The following UBE4B variants were observed in gnomAD, a reference collection of about 807,000 sequenced individuals.
The protein encoded by UBE4B is ubiquitin conjugation factor E4 B.
UBE4B carries 27 observed loss-of-function variants against 148.1 expected under a neutral mutation model. The observed-to-expected ratio is 0.18, with a 90% confidence interval of 0.13 to 0.25. UBE4B has a LOEUF of 0.25. Among genes scored for constraint, UBE4B ranks in the 10% least tolerant of loss-of-function variants. UBE4B has a pLI of 1.00. For missense variants in UBE4B, 1,170 were observed against 1,662.4 expected, an observed-to-expected ratio of 0.70 and a Z score of 5.15; for synonymous variants, 596 against 619.3, an observed-to-expected ratio of 0.96 and a Z score of 0.56.
At chr1:10,089,948 G>C (rs754531698) in intron 2 of UBE4B, among the ~76,000 whole-genome samples, 5 of 151,974 alleles carry the variant, frequency 3.3e-5, no homozygotes, top group Non-Finnish European at 5.9e-5. Context: ...GCCCACCTCG[G>C]CCTCCCAAAG....
chr1:10,113,261 A>G (rs1320866746), intron 7 of UBE4B, among the ~76,000 whole-genome samples: 5 of 152,188 alleles, frequency 3.3e-5, no homozygotes, highest in African/African-American at 1.2e-4. Context: ...ACGTGAACTC[A>G]CTGAGTGAGA....
Position 10,091,898 on chromosome 1 carries a change from G to C in UBE4B, c.212-3563G>C, listed in dbSNP as rs746085642. On this transcript the variant is annotated intron_variant, in intron 2 of 27. Coordinates refer to ENST00000343090, the MANE Select transcript of UBE4B (RefSeq NM_001105562.3). ...TGAGATTACAGGTGTGAGCCACTGC[G>C]CCCGGACTACCTGACTAATTTTTTA... 2.6e-5 allele frequency among the ~76,000 whole-genome samples: 4 copies of C among 152,030 alleles called. No homozygotes were observed. In the East Asian group the frequency reaches 7.7e-4, roughly 29 times the overall value.
chr1:10,093,007 T>TA (rs1396347957), intron 2 of UBE4B, among the ~76,000 whole-genome samples: 1 of 152,204 alleles, frequency 6.6e-6, no homozygotes, highest in Admixed American at 6.5e-5. Context: ...TGATGCCTTA[T>TA]AAAAATATTA....
At chr1:10,171,938 C>T (rs569587274) in intron 25 of UBE4B, among the ~76,000 whole-genome samples, 7 of 152,190 alleles carry the variant, frequency 4.6e-5, no homozygotes, top group Admixed American at 1.3e-4. Context: ...GCAGGTTTGG[C>T]GCTCTGAGCC....
chr1:10,106,243 G>A lies in UBE4B; in HGVS notation c.856G>A (p.Val286Ile). 1 of 1,613,554 alleles carries A rather than the reference G, an allele frequency of 6.2e-7. No individual in the cohort carries two copies. The highest frequency in any genetic ancestry group is 8.5e-7 in the Non-Finnish European group (1 of 1,179,620). Residue 286 changes from valine (V) to isoleucine (I), a missense_variant, in exon 7 of 28, where the codon GTT becomes ATT. By Grantham distance (29) the Val-to-Ile change is conservative. Transcript: ENST00000343090. This position sits in a 1 kb window ranked among gnomAD's most constrained non-coding sequence, Gnocchi z 4.2. ...PAPTPSFWSS[V>I]PVMGPSLASP... Reference sequence around the variant, plus strand: ...TCCCACTCCCAGTTTCTGGAGCTCTGTTCCCGTGATGGGCCCGTCTCTTGC... The same window carrying A: ...TCCCACTCCCAGTTTCTGGAGCTCTATTCCCGTGATGGGCCCGTCTCTTGC...
At chr1:10,040,599 C>T (rs1643719309) in intron 1 of UBE4B, among the ~76,000 whole-genome samples, 1 of 151,436 alleles carries the variant, frequency 6.6e-6, no homozygotes, top group South Asian at 2.1e-4. Flanking sequence ...GCTCTAACAT[C>T]TCCATTTCTT....
At chr1:10,144,897 T>A (rs767974451) in intron 17 of UBE4B, 43 bp from the exon 18 acceptor site, 1 of 1,464,928 alleles carries the variant, frequency 6.8e-7, no homozygotes. Flanking sequence ...GTAAGATGGA[T>A]CCGGCTGTTT....
At chr1:10,175,380 A>T (rs74605718) in intron 25 of UBE4B, among the ~76,000 whole-genome samples, 1 of 152,128 alleles carries the variant, frequency 6.6e-6, no homozygotes, top group Non-Finnish European at 1.5e-5. Context: ...AGCCGGGTGC[A>T]GTGGCTCACG....
At chr1:10,174,352 C>T (rs528558580) in intron 25 of UBE4B, among the ~76,000 whole-genome samples, 22 of 148,490 alleles carry the variant, frequency 1.5e-4, no homozygotes, top group Admixed American at 3.4e-4. Context: ...GAGATCGCAC[C>T]GCTGCATTCC....
chr1:10,135,028 A>C lies in UBE4B; in HGVS notation c.2066A>C (p.Asn689Thr). 1 of 1,614,210 alleles carries C rather than the reference A, an allele frequency of 6.2e-7. No individual in the cohort carries two copies. ...GTGTCTACAGATGGATTTATGCTGA[A>C]TTTCCTTTGGGTACTGCAGCAGCTA... ...RLVSTDGFMLNFLWVLQQLST... is the reference protein window; with the variant it reads ...RLVSTDGFMLTFLWVLQQLST... The change falls in exon 16 of 28, where the codon AAT becomes ACT. Residue 689 changes from asparagine (N) to threonine (T), a missense_variant. This residue lies in a region of UBE4B where 388 missense variants were observed against 536.0 expected (regional missense o/e 0.72). Coordinates refer to ENST00000343090, the MANE Select transcript of UBE4B (RefSeq NM_001105562.3).
At chr1:10,154,620 C>T (rs1646037055) in intron 21 of UBE4B, among the ~76,000 whole-genome samples, 1 of 152,098 alleles carries the variant, frequency 6.6e-6, no homozygotes, top group Admixed American at 6.6e-5. Context: ...GGAGGATCAC[C>T]TGAGGTCAGG....
intron 17 of UBE4B, among the ~76,000 whole-genome samples, chr1:10,143,560 C>G (rs1645817860): frequency 6.6e-6 from 1 of 152,198 alleles, no homozygotes; most frequent in Non-Finnish European, 1.5e-5. Context: ...CTCTTCCCAT[C>G]TCAAATCCAT....
rs150442851 is a variant in UBE4B, at chr1:10,105,713, G to T, written c.778G>T (p.Val260Leu). 1.2e-6 allele frequency: 2 copies of T among 1,613,922 alleles called. No homozygotes were observed. Among genetic ancestry groups the T allele is most frequent in the African/African-American group, 2.7e-5 (2 of 74,916 alleles). ...AGGAACAAGCCCCATGTTCTGCAGC[G>T]TGGCTTCCTTTGGTGCCAGCTCTTT... is the stretch of plus-strand genomic sequence containing the variant. ...NPGTSPMFCSVASFGASSLSS... is the reference protein window; with the variant it reads ...NPGTSPMFCSLASFGASSLSS... Residue 260 changes from valine to leucine, a missense_variant, in exon 6 of 28, where the codon GTG becomes TTG. By Grantham distance (32) the Val-to-Leu change is conservative. This residue lies in a region of UBE4B where 214 missense variants were observed against 209.1 expected (regional missense o/e 1.02). Coordinates refer to ENST00000343090, the MANE Select transcript of UBE4B (RefSeq NM_001105562.3).
chr1:10,033,830 TGAC>T (rs1643397906), intron 1 of UBE4B, 136 bp downstream of exon 1: 4 of 920,788 alleles, frequency 4.3e-6, no homozygotes, highest in Non-Finnish European at 6.2e-6. Flanking sequence ...AAGAATAACG[TGAC>T]TCCCCGATAG....
At chr1:10,154,403 TG>T (rs757945478) in intron 21 of UBE4B, among the ~76,000 whole-genome samples, 9 of 152,048 alleles carry the variant, frequency 5.9e-5, no homozygotes, top group Non-Finnish European at 1.2e-4. Context: ...AGAGTGGATT[TG>T]GAGCTACGAG....
intron 2 of UBE4B, among the ~76,000 whole-genome samples, chr1:10,073,920 A>ATTTTTTTTTTTTTT (rs947131085): frequency 2.1e-4 from 16 of 74,840 alleles, no homozygotes; most frequent in Admixed American, 5.4e-4. Flanking sequence ...CTTTCTTTCT[A>ATTTTTTTTTTTTTT]TTTTTTTTTT....
intron 7 of UBE4B, among the ~76,000 whole-genome samples, chr1:10,116,765 A>G (rs1445442457): frequency 2.0e-5 from 3 of 152,330 alleles, no homozygotes; most frequent in Non-Finnish European, 2.9e-5. Flanking sequence ...ACATTATTTC[A>G]TTAAAACCCC....
At chr1:10,070,456 A>C (rs921751701) in intron 1 of UBE4B, among the ~76,000 whole-genome samples, 5 of 151,750 alleles carry the variant, frequency 3.3e-5, no homozygotes, top group Admixed American at 6.6e-5. Context: ...AAAAAAAAAA[A>C]AAAACCATTA....
At chr1:10,127,332 TC>T (rs764462710) in intron 11 of UBE4B, among the ~76,000 whole-genome samples, 2 of 152,142 alleles carry the variant, frequency 1.3e-5, no homozygotes, top group African/African-American at 4.8e-5. Context: ...TTGTTCACCC[TC>T]CCTGTTTCCT....
Sources: allele counts gnomAD v4.1 joint callset (sites outside exome capture counted in the v4.1 genomes callset), GRCh38; gene constraint gnomAD v4.1.1; regional missense constraint gnomAD v4.1.1; non-coding constraint Gnocchi (gnomAD v3.1); transcripts MANE v1.5; gene names NCBI Gene and HGNC (gene_info 2026-07-23, HGNC 2026-07-21).